The following PCSK2 variants were observed in gnomAD, a reference collection of about 807,000 sequenced individuals.
PCSK2 encodes proprotein convertase subtilisin/kexin type 2.
A neutral mutation model predicts 69.7 loss-of-function variants in PCSK2; 14 were observed. That is an observed-to-expected ratio of 0.20 (90% CI 0.13 to 0.31). The LOEUF is 0.31. PCSK2 is among the 10% of genes least tolerant of loss of function. The pLI is 1.00. For synonymous variants in PCSK2, 307 were observed against 320.7 expected, an observed-to-expected ratio of 0.96 and a Z score of 0.46; for missense variants, 544 against 842.5, an observed-to-expected ratio of 0.65 and a Z score of 4.39.
chr20:17,371,309 A>G (rs1201007570), intron 5 of PCSK2, among the ~76,000 whole-genome samples: 2 of 152,174 alleles, frequency 1.3e-5, no homozygotes, highest in Non-Finnish European at 2.9e-5. Context: ...ATAGTCATTC[A>G]TTGGGGGCAA....
chr20:17,319,193 A>T (rs1295311443), intron 2 of PCSK2, among the ~76,000 whole-genome samples: 2 of 152,242 alleles, frequency 1.3e-5, no homozygotes, highest in Non-Finnish European at 2.9e-5. Context: ...CCCCGATAAG[A>T]TAAAGACAAA....
At chr20:17,386,867 T>A (rs889042495) in intron 5 of PCSK2, among the ~76,000 whole-genome samples, 2 of 152,210 alleles carry the variant, frequency 1.3e-5, no homozygotes, top group Non-Finnish European at 2.9e-5. Context: ...AACACTCCAA[T>A]GGATCATCCA....
Position 17,227,261 on chromosome 20 carries a change from C to G in PCSK2, c.-45C>G. 1 of 1,505,570 alleles carries G rather than the reference C, an allele frequency of 6.6e-7. No homozygotes were observed. Among genetic ancestry groups the G allele is most frequent in the East Asian group, 2.3e-5 (1 of 44,290 alleles). 93.3% of individuals were successfully genotyped at this position (1,505,570 alleles called of 1,614,324 possible). A position where few individuals can be genotyped will look rare whatever the true frequency, so the allele number is the denominator to read the frequency against. ...CCCTCCCTCCGAGTCCCCTGCTCCG[C>G]CAGCCTGCGCGCCTCCTAGCACCAC... On this transcript the variant is annotated 5_prime_UTR_variant, in exon 1 of 12. Coordinates refer to ENST00000262545, the MANE Select transcript of PCSK2 (RefSeq NM_002594.5).
At chr20:17,421,955 G>A (rs934466092) in intron 6 of PCSK2, among the ~76,000 whole-genome samples, 1 of 151,636 alleles carries the variant, frequency 6.6e-6, no homozygotes, top group Admixed American at 6.6e-5. Context: ...ATATGAAATC[G>A]GTTCTATGAA....
intron 2 of PCSK2, among the ~76,000 whole-genome samples, chr20:17,337,925 T>C (rs1351142461): frequency 5.7e-5 from 3 of 52,258 alleles, no homozygotes; most frequent in Non-Finnish European, 1.4e-4. Context: ...CAAAAACCCA[T>C]CTCAAAAAAA....
At chr20:17,342,599 T>G (rs1359185038) in intron 2 of PCSK2, among the ~76,000 whole-genome samples, 1 of 151,990 alleles carries the variant, frequency 6.6e-6, no homozygotes, top group Non-Finnish European at 1.5e-5. Flanking sequence ...ATTACAGGCA[T>G]GAGCCACCAG....
intron 8 of PCSK2, among the ~76,000 whole-genome samples, chr20:17,452,875 A>G (rs977830207): frequency 6.6e-6 from 1 of 152,242 alleles, no homozygotes; most frequent in African/African-American, 2.4e-5. Flanking sequence ...AAGAACCTCT[A>G]AGAACATGGT....
chr20:17,342,177 CACAT>C (rs976556304), intron 2 of PCSK2, among the ~76,000 whole-genome samples: 4 of 152,242 alleles, frequency 2.6e-5, no homozygotes, highest in South Asian at 2.1e-4. Context: ...CATACACACA[CACAT>C]ACAGCAAAAT....
chr20:17,317,082 A>G (rs926059923), intron 2 of PCSK2, among the ~76,000 whole-genome samples: 3 of 152,070 alleles, frequency 2.0e-5, no homozygotes, highest in Admixed American at 6.5e-5. Flanking sequence ...CAGCTTCCCA[A>G]ACATTCTGAC....
chr20:17,471,592 G>A lies in PCSK2; in HGVS notation c.1430+6039G>A, dbSNP rs60457079. ...TGTCTGACTGCTGGCAATAGGACCGGCGGGCCAGCAAGGCAAATGTGGGAA... is the reference window on the plus strand; with the variant it reads ...TGTCTGACTGCTGGCAATAGGACCGACGGGCCAGCAAGGCAAATGTGGGAA... On this transcript the variant is annotated intron_variant, in intron 11 of 11. Coordinates refer to ENST00000262545, the MANE Select transcript of PCSK2 (RefSeq NM_002594.5). Among the ~76,000 whole-genome samples, 150 of 152,346 alleles carry A rather than the reference G, an allele frequency of 9.8e-4. 1 individual carries two copies. The highest frequency in any genetic ancestry group is 3.5e-3 in the African/African-American group (145 of 41,580).
chr20:17,282,056 T>G (rs1019539497), intron 2 of PCSK2, among the ~76,000 whole-genome samples: 2 of 152,146 alleles, frequency 1.3e-5, no homozygotes, highest in African/African-American at 2.4e-5. Flanking sequence ...TTAGTCTGAC[T>G]CCACCTTTCA....
At chr20:17,353,649 C>T (rs1292183823) in intron 2 of PCSK2, among the ~76,000 whole-genome samples, 2 of 152,212 alleles carry the variant, frequency 1.3e-5, no homozygotes, top group African/African-American at 4.8e-5. Flanking sequence ...TAGCTATATA[C>T]TCAAAGAAAA....
intron 2 of PCSK2, among the ~76,000 whole-genome samples, chr20:17,265,525 G>T (rs1047702975): frequency 6.6e-6 from 1 of 152,128 alleles, no homozygotes; most frequent in African/African-American, 2.4e-5. Flanking sequence ...ACATAGTCAT[G>T]GTAAGTTTAT....
chr20:17,471,121 G>A (rs1186330021), intron 11 of PCSK2, among the ~76,000 whole-genome samples: 4 of 152,144 alleles, frequency 2.6e-5, no homozygotes, highest in Admixed American at 1.3e-4. Context: ...GGGGAGCACC[G>A]CGGGAGAGAA....
chr20:17,390,682 A>G (rs903088245), intron 5 of PCSK2, among the ~76,000 whole-genome samples: 3 of 152,230 alleles, frequency 2.0e-5, no homozygotes, highest in African/African-American at 4.8e-5. Context: ...TTAGAAATGC[A>G]TCACTCTTTT....
At chr20:17,387,630 T>C (rs1466612978) in intron 5 of PCSK2, among the ~76,000 whole-genome samples, 2 of 152,188 alleles carry the variant, frequency 1.3e-5, no homozygotes, top group African/African-American at 4.8e-5. Context: ...ACAATATCTT[T>C]TACGATCTAG....
intron 2 of PCSK2, among the ~76,000 whole-genome samples, chr20:17,285,062 A>G (rs909973336): frequency 7.2e-5 from 11 of 152,216 alleles, no homozygotes; most frequent in African/African-American, 2.7e-4. Context: ...GGTCAGGATC[A>G]GTGCTCTGTG....
chr20:17,348,973 C>T (rs183062105), intron 2 of PCSK2, among the ~76,000 whole-genome samples: 9 of 152,256 alleles, frequency 5.9e-5, no homozygotes, highest in Non-Finnish European at 1.2e-4. Context: ...ACCATAGGAC[C>T]GTTAACCAGC....
At chr20:17,473,519 C>A (rs2033241055) in intron 11 of PCSK2, among the ~76,000 whole-genome samples, 1 of 152,180 alleles carries the variant, frequency 6.6e-6, no homozygotes, top group South Asian at 2.1e-4. Flanking sequence ...TGTTCCACCA[C>A]CAACCTCCTC....
Sources: gnomAD v4.1 joint callset for allele counts (sites outside exome capture counted in the v4.1 genomes callset) on GRCh38, gnomAD v4.1.1 for gene constraint, MANE v1.5 for transcripts, NCBI Gene and HGNC (gene_info 2026-07-23, HGNC 2026-07-21) for gene names.